ZNF385D: variants seen among roughly 807,000 people sequenced by gnomAD.
The protein encoded by ZNF385D is zinc finger protein 659.
A neutral mutation model predicts 35.8 loss-of-function variants in ZNF385D; 15 were observed. The ratio of observed to expected loss-of-function variants is 0.42; its 90% CI spans 0.28 to 0.64. The LOEUF (loss-of-function observed/expected upper bound fraction) is 0.64, where lower values mean the gene tolerates loss of function less well. Ranked by LOEUF, ZNF385D falls within the 30% of genes least tolerant of loss-of-function variation. ZNF385D has a pLI of 0.23. For synonymous variants in ZNF385D, 212 were observed against 186.8 expected (o/e 1.13, Z -1.10); for missense variants, 474 against 494.6 (o/e 0.96, Z 0.39).
At position 21,475,597 on chromosome 3, in the gene ZNF385D, T is replaced by A. The variant is rs893386729; in HGVS notation, c.439+35264A>T. 1.3e-4 allele frequency among the ~76,000 whole-genome samples: 20 copies of A among 152,224 alleles called. No individual in the cohort carries two copies. In the East Asian group the frequency reaches 3.1e-3, roughly 24 times the overall value. The stretch of plus-strand genomic sequence containing the variant: ...GAGGAAAGATCCTCCGGATTCCAAT[T>A]TTCTAAAATTGTGTGAAATTTCAAG... On this transcript the variant is annotated intron_variant, in intron 4 of 7. Coordinates refer to ENST00000281523, the MANE Select transcript of ZNF385D (RefSeq NM_024697.3).
chr3:21,493,252 T>A (rs1337594653), intron 4 of ZNF385D, among the ~76,000 whole-genome samples: 3 of 152,154 alleles, frequency 2.0e-5, no homozygotes, highest in Non-Finnish European at 4.4e-5. Flanking sequence ...ATGAGAGATT[T>A]ATGTTTCTAC....
intron 2 of ZNF385D, among the ~76,000 whole-genome samples, chr3:22,230,978 C>A (rs961784064): frequency 1.3e-5 from 2 of 152,070 alleles, no homozygotes; most frequent in Non-Finnish European, 2.9e-5. Context: ...CCAGACTTCC[C>A]AGAAGGGCAA....
At chr3:22,153,842 C>T (rs1705419583) in intron 3 of ZNF385D, among the ~76,000 whole-genome samples, 1 of 152,002 alleles carries the variant, frequency 6.6e-6, no homozygotes, top group Non-Finnish European at 1.5e-5. Flanking sequence ...CTTCCTCAGC[C>T]ATATTTTAAC....
At chr3:22,002,702 G>A (rs149307338) in intron 3 of ZNF385D, among the ~76,000 whole-genome samples, 2 of 152,186 alleles carry the variant, frequency 1.3e-5, no homozygotes, top group East Asian at 3.9e-4. Flanking sequence ...GAAAATACTA[G>A]CAAACTGAAT....
At chr3:22,086,472 C>A (rs1189890649) in intron 3 of ZNF385D, among the ~76,000 whole-genome samples, 2 of 152,080 alleles carry the variant, frequency 1.3e-5, no homozygotes, top group Non-Finnish European at 2.9e-5. Flanking sequence ...GAATAAAATA[C>A]CTAGGAATCC....
intron 3 of ZNF385D, among the ~76,000 whole-genome samples, chr3:21,814,484 G>A (rs1326147019): frequency 6.6e-6 from 1 of 152,106 alleles, no homozygotes; most frequent in Non-Finnish European, 1.5e-5. Flanking sequence ...AAGGGATGGA[G>A]GAAGATCTAC....
At chr3:22,014,224 G>T (rs1015676744) in intron 3 of ZNF385D, among the ~76,000 whole-genome samples, 1 of 151,804 alleles carries the variant, frequency 6.6e-6, no homozygotes, top group Non-Finnish European at 1.5e-5. Context: ...TTTAAAGGGG[G>T]AAGGAAGAAA....
chr3:21,689,802 A>G (rs1435205998), intron 1 of ZNF385D, among the ~76,000 whole-genome samples: 1 of 151,996 alleles, frequency 6.6e-6, no homozygotes, highest in African/African-American at 2.4e-5. Context: ...TACTGATGCT[A>G]CTGATTTGGA....
chr3:21,781,736 A>G (rs1243688437), intron 3 of ZNF385D, among the ~76,000 whole-genome samples: 1 of 151,964 alleles, frequency 6.6e-6, no homozygotes, highest in South Asian at 2.1e-4. Flanking sequence ...TCATAATATT[A>G]AAGAGTATAA....
intron 1 of ZNF385D, among the ~76,000 whole-genome samples, chr3:21,728,747 G>A (rs995670734): frequency 3.3e-5 from 5 of 152,142 alleles, no homozygotes; most frequent in Non-Finnish European, 7.4e-5. Flanking sequence ...TTCAAATCTT[G>A]GTTCAAATAT....
chr3:21,808,587 C>T (rs1331189554), intron 3 of ZNF385D, among the ~76,000 whole-genome samples: 2 of 152,234 alleles, frequency 1.3e-5, no homozygotes, highest in African/African-American at 2.4e-5. Context: ...TGTGCCAGTG[C>T]TGTGGCCATA....
At chr3:21,864,678 G>T (rs951997267) in intron 3 of ZNF385D, among the ~76,000 whole-genome samples, 2 of 152,028 alleles carry the variant, frequency 1.3e-5, no homozygotes, top group African/African-American at 2.4e-5. Context: ...TAACTCTAAA[G>T]TGAGTCTTTT....
intron 3 of ZNF385D, among the ~76,000 whole-genome samples, chr3:21,937,120 T>G (rs1003014046): frequency 1.3e-5 from 2 of 152,134 alleles, no homozygotes; most frequent in Non-Finnish European, 2.9e-5. Context: ...AAAAAAATAT[T>G]TTTTGAGATG....
At chr3:21,449,221 G>A (rs1702323428) in intron 4 of ZNF385D, among the ~76,000 whole-genome samples, 1 of 150,518 alleles carries the variant, frequency 6.6e-6, no homozygotes, top group African/African-American at 2.4e-5. Flanking sequence ...TGTTATCTCT[G>A]AAACCATCTA....
chr3:22,092,841 A>G (rs1433869724), intron 3 of ZNF385D, among the ~76,000 whole-genome samples: 1 of 152,214 alleles, frequency 6.6e-6, no homozygotes, highest in African/African-American at 2.4e-5. Flanking sequence ...AGAAAGTACT[A>G]ACATTAAGGT....
chr3:21,712,330 G>A (rs1482287018), intron 1 of ZNF385D, among the ~76,000 whole-genome samples: 1 of 152,158 alleles, frequency 6.6e-6, no homozygotes, highest in African/African-American at 2.4e-5. Flanking sequence ...TTTAAGCCAG[G>A]TGCCTTGCAT....
chr3:22,151,202 G>C (rs1489943075), intron 3 of ZNF385D, among the ~76,000 whole-genome samples: 3 of 152,052 alleles, frequency 2.0e-5, no homozygotes, highest in Non-Finnish European at 2.9e-5. Flanking sequence ...GAGTGCATTG[G>C]GGCTGGGGAA....
chr3:22,043,446 T>TACAAAGGAAAG (rs2125509620), intron 3 of ZNF385D, among the ~76,000 whole-genome samples: 1 of 152,268 alleles, frequency 6.6e-6, no homozygotes, highest in East Asian at 1.9e-4. Context: ...TGATTCTATT[T>TACAAAGGAAAG]TAAAACAAAG....
At chr3:22,198,139 T>G (rs1030228150) in intron 2 of ZNF385D, among the ~76,000 whole-genome samples, 2 of 152,050 alleles carry the variant, frequency 1.3e-5, no homozygotes, top group Non-Finnish European at 2.9e-5. Context: ...GTGTATACAG[T>G]AATGCGGTTA....
Sources: gnomAD v4.1 joint callset for allele counts (sites outside exome capture counted in the v4.1 genomes callset) on GRCh38, gnomAD v4.1.1 for gene constraint, MANE v1.5 for transcripts, NCBI Gene and HGNC (gene_info 2026-07-23, HGNC 2026-07-21) for gene names.